Variants in PIK3R1 observed in about 807,000 individuals in gnomAD.
PIK3R1 encodes the protein phosphatidylinositol 3-kinase regulatory subunit alpha.
A neutral mutation model predicts 98.0 loss-of-function variants in PIK3R1; 29 were observed. The ratio of observed to expected loss-of-function variants is 0.30; its 90% confidence interval spans 0.22 to 0.40. PIK3R1 has a LOEUF of 0.40. Among genes scored for constraint, PIK3R1 ranks in the 10% least tolerant of loss-of-function variants. The pLI, the probability that PIK3R1 is intolerant of heterozygous loss-of-function variation, is 1.00. For synonymous variants in PIK3R1, 282 were observed against 311.8 expected (o/e 0.90, Z 1.01); for missense variants, 596 against 872.7 (o/e 0.68, Z 3.99).
In PIK3R1 at chr5:68,297,604, C is replaced by T. The variant is rs41268435; in HGVS notation, c.*3C>T. The T allele has an allele frequency of 9.6e-3, 15,467 of 1,612,452 alleles. 145 individuals are homozygous for T. The highest frequency in any genetic ancestry group is 0.026 in the Middle Eastern group (156 of 6,038). ...TATATGCACAGCAGAGGCGATGAAG[C>T]GCTTACTCTTTGATCCTTCTCCTGA... On this transcript the variant is annotated 3_prime_UTR_variant, in exon 16 of 16. Transcript: ENST00000521381.
intron 2 of PIK3R1, among the ~76,000 whole-genome samples, chr5:68,256,271 A>G (rs1351425195): frequency 1.3e-5 from 2 of 152,170 alleles, no homozygotes; most frequent in African/African-American, 4.8e-5. Flanking sequence ...GCTCTGTCGC[A>G]CAGGGTGGAG....
chr5:68,295,109 G>T (rs200048249), intron 12 of PIK3R1, 39 bp from the exon 13 acceptor site: 1 of 1,572,828 alleles, frequency 6.4e-7, no homozygotes, highest in South Asian at 1.1e-5. Flanking sequence ...CGTTCCTGAT[G>T]TACCCAGATA....
intron 2 of PIK3R1, among the ~76,000 whole-genome samples, chr5:68,262,066 A>G (rs1310677885): frequency 6.6e-6 from 1 of 152,156 alleles, no homozygotes; most frequent in East Asian, 1.9e-4. Context: ...CTACTTTTTC[A>G]TTAACATTGT....
chr5:68,239,236 A>T (rs1161870621), intron 2 of PIK3R1, among the ~76,000 whole-genome samples: 1 of 152,226 alleles, frequency 6.6e-6, no homozygotes, highest in African/African-American at 2.4e-5. Context: ...AACTTCAGTA[A>T]TTATCAAAAT....
chr5:68,296,064 G>C, intron 14 of PIK3R1, 107 bp from the exon 15 acceptor site: 1 of 1,059,368 alleles, frequency 9.4e-7, no homozygotes, highest in Non-Finnish European at 1.4e-6. Flanking sequence ...TGACTGGCTT[G>C]GTAGGGGCCA....
intron 7 of PIK3R1, chr5:68,288,578 C>G (rs547197766): frequency 3.9e-6 from 6 of 1,523,412 alleles, no homozygotes; most frequent in South Asian, 2.6e-5. Context: ...GCGGCGCCCC[C>G]GCTCCTGCGC....
intron 4 of PIK3R1, among the ~76,000 whole-genome samples, chr5:68,276,569 G>A (rs553124402): frequency 1.9e-3 from 292 of 152,296 alleles, no homozygotes; most frequent in Non-Finnish European, 3.2e-3. Flanking sequence ...TAAAGATTAT[G>A]TAGCTCTTCA....
chr5:68,263,867 C>CT (rs1214326499), intron 2 of PIK3R1, among the ~76,000 whole-genome samples: 1 of 152,154 alleles, frequency 6.6e-6, no homozygotes, highest in Non-Finnish European at 1.5e-5. Flanking sequence ...TTCCCTTCCT[C>CT]TCCCTTTTTG....
Position 68,262,796 on chromosome 5 carries a change from C to CATGTAGATGCAT in PIK3R1, c.335-10594_335-10593insATGTAGATGCAT, listed in dbSNP as rs150097762. Reference sequence around the variant, plus strand: ...GTAGATGCATGTAGATACATGTATACGTAGATACATGTATACATGTAGATA... The same window carrying CATGTAGATGCAT: ...GTAGATGCATGTAGATACATGTATACATGTAGATGCATGTAGATACATGTATACATGTAGATA... On this transcript the variant is annotated intron_variant, in intron 2 of 15. Transcript: ENST00000521381. 2.8e-3 allele frequency among the ~76,000 whole-genome samples: 52 copies of CATGTAGATGCAT among 18,492 alleles called. 7 individuals are homozygous for CATGTAGATGCAT. Among genetic ancestry groups the CATGTAGATGCAT allele is most frequent in the East Asian group, 5.0e-3 (4 of 798 alleles). 12.1% of individuals were successfully genotyped at this position (18,492 alleles called of 152,430 possible). A position where few individuals can be genotyped will look rare whatever the true frequency, so the allele number is the denominator to read the frequency against.
intron 1 of PIK3R1, among the ~76,000 whole-genome samples, chr5:68,221,594 TG>T (rs1744094926): frequency 6.6e-6 from 1 of 152,254 alleles, no homozygotes; most frequent in Admixed American, 6.5e-5. Context: ...CCTGTATTCC[TG>T]CCTGTCCATC....
intron 2 of PIK3R1, among the ~76,000 whole-genome samples, chr5:68,253,028 T>G (rs949190423): frequency 1.2e-4 from 18 of 152,196 alleles, no homozygotes; most frequent in African/African-American, 4.3e-4. Flanking sequence ...TCAGGGCAAG[T>G]GTGCATTTAT....
chr5:68,250,934 A>G (rs1464446191), intron 2 of PIK3R1, among the ~76,000 whole-genome samples: 1 of 152,242 alleles, frequency 6.6e-6, no homozygotes, highest in Non-Finnish European at 1.5e-5. Context: ...AGCCTAATTC[A>G]TATCCTTCAG....
chr5:68,254,588 TAA>T (rs1745439587), intron 2 of PIK3R1, among the ~76,000 whole-genome samples: 1 of 152,212 alleles, frequency 6.6e-6, no homozygotes, highest in Admixed American at 6.5e-5. Flanking sequence ...TCAAGAATTC[TAA>T]AGAGAGGGTT....
chr5:68,292,729 G>A (rs2112248049), intron 8 of PIK3R1: 1 of 1,272,842 alleles, frequency 7.9e-7, no homozygotes, highest in Non-Finnish European at 1.0e-6. Context: ...GGGGGAGTAA[G>A]GTTGGAGAAA....
chr5:68,292,172 A>AT (rs1223875539), intron 7 of PIK3R1, 87 bp from the exon 8 acceptor site: 2 of 748,240 alleles, frequency 2.7e-6, no homozygotes, highest in Non-Finnish European at 4.5e-6. Context: ...CTAACTTTTT[A>AT]TTTTTTTAAA....
chr5:68,225,361 G>T (rs985046427), intron 1 of PIK3R1, among the ~76,000 whole-genome samples: 1 of 152,012 alleles, frequency 6.6e-6, no homozygotes, highest in Non-Finnish European at 1.5e-5. Context: ...ACAGACCAGG[G>T]TTTCATCAGC....
chr5:68,217,028 C>T (rs550160031), intron 1 of PIK3R1, among the ~76,000 whole-genome samples: 2 of 152,292 alleles, frequency 1.3e-5, no homozygotes, highest in African/African-American at 4.8e-5. Context: ...TGAGCTGCAG[C>T]GCTGTTGGTG....
intron 1 of PIK3R1, among the ~76,000 whole-genome samples, chr5:68,222,088 A>G (rs1744111580): frequency 1.3e-5 from 2 of 152,256 alleles, no homozygotes; most frequent in African/African-American, 2.4e-5. Context: ...ATCTACATAT[A>G]AAAAGCCTTT....
At position 68,266,869 on chromosome 5, in the gene PIK3R1, G is replaced by A. The variant is rs191206469; in HGVS notation, c.335-6521G>A. 3.3e-3 allele frequency among the ~76,000 whole-genome samples: 508 copies of A among 152,288 alleles called. 3 individuals carry two copies. The highest frequency in any genetic ancestry group is 5.6e-3 in the Admixed American group (85 of 15,302). ...TATTTCTGTAAAATACTTACTGTGG[G>A]AATGTGGCTCCTAGTTGATGTTCAG... On this transcript the variant is annotated intron_variant, in intron 2 of 15. Coordinates refer to ENST00000521381, the MANE Select transcript of PIK3R1 (RefSeq NM_181523.3).
Sources: gnomAD v4.1 joint callset for allele counts (sites outside exome capture counted in the v4.1 genomes callset) on GRCh38, gnomAD v4.1.1 for gene constraint, MANE v1.5 for transcripts, NCBI Gene and HGNC (gene_info 2026-07-23, HGNC 2026-07-21) for gene names.